The following MTM1 variants were observed in gnomAD, a reference collection of about 807,000 sequenced individuals.
The protein encoded by MTM1 is myotubularin 1.
MTM1 carries 9 observed loss-of-function variants against 52.1 expected under a neutral mutation model. That is an observed-to-expected ratio of 0.17 (90% CI 0.10 to 0.30). MTM1 has a LOEUF of 0.30. Among genes scored for constraint, MTM1 ranks in the 10% least tolerant of loss-of-function variants. The pLI, the probability that MTM1 is intolerant of heterozygous loss-of-function variation, is 1.00. For missense variants in MTM1, 277 were observed against 470.7 expected, an observed-to-expected ratio of 0.59 and a Z score of 3.81; for synonymous variants, 136 against 163.8, an observed-to-expected ratio of 0.83 and a Z score of 1.29.
intron 8 of MTM1, among the ~76,000 whole-genome samples, chrX:150,644,143 AAAT>A (rs1161539831): frequency 5.4e-5 from 6 of 111,572 alleles, no homozygotes; most frequent in South Asian, 3.7e-4. Context: ...CAAATTATTA[AAAT>A]AATAAAAAAT....
chrX:150,635,877 G>T (rs190162819), intron 6 of MTM1, among the ~76,000 whole-genome samples: 107 of 111,724 alleles, frequency 9.6e-4, no homozygotes, highest in Admixed American at 3.1e-3. Flanking sequence ...GTTTTTCTGT[G>T]TTTGTAAGCT....
At chrX:150,622,809 G>A (rs2039505074) in intron 6 of MTM1, among the ~76,000 whole-genome samples, 2 of 111,391 alleles carry the variant, frequency 1.8e-5, no homozygotes, top group Non-Finnish European at 3.8e-5. Context: ...GCAGAAACAG[G>A]TGGAAGAAAG....
At chrX:150,595,997 G>A (rs1247055490) in intron 2 of MTM1, among the ~76,000 whole-genome samples, 1 of 95,122 alleles carries the variant, frequency 1.1e-5, no homozygotes, top group African/African-American at 3.9e-5. Flanking sequence ...AGAGAGGAAG[G>A]GTCTTAGTGA....
intron 2 of MTM1, 98 bp downstream of exon 2, chrX:150,592,775 T>C: frequency 3.5e-6 from 2 of 571,346 alleles, no homozygotes; most frequent in Non-Finnish European, 6.0e-6. Flanking sequence ...ATTATGAATT[T>C]TATTATTCAT....
At chrX:150,654,153 G>A (rs1557414316) in intron 10 of MTM1, among the ~76,000 whole-genome samples, 1 of 112,290 alleles carries the variant, frequency 8.9e-6, no homozygotes, top group Admixed American at 9.5e-5. Flanking sequence ...TAAAACTCTG[G>A]TATAGTTTTA....
At position 150,583,523 on chromosome X, in the gene MTM1, T is replaced by A. The variant is rs1344832316; in HGVS notation, c.-10-9082T>A. Among the ~76,000 whole-genome samples the A allele has an allele frequency of 3.8e-3, 103 of 27,264 alleles. 6 individuals carry two copies. The highest frequency in any genetic ancestry group is 0.014 in the African/African-American group (99 of 7,131). 23.7% of individuals were successfully genotyped at this position (27,264 alleles called of 115,157 possible). ...TATAAATATATATAATTTATATATATTATATATAAATTATATATATTATAC... is the reference window on the plus strand; with the variant it reads ...TATAAATATATATAATTTATATATAATATATATAAATTATATATATTATAC... On this transcript the variant is annotated intron_variant, in intron 1 of 14. Coordinates refer to ENST00000370396, the MANE Select transcript of MTM1 (RefSeq NM_000252.3).
At chrX:150,652,590 G>T (rs1332748609) in intron 10 of MTM1, among the ~76,000 whole-genome samples, 5 of 93,043 alleles carry the variant, frequency 5.4e-5, no homozygotes, top group African/African-American at 2.0e-4. Context: ...TACAAGAAAA[G>T]TTATATATAT....
At chrX:150,641,546 G>C in intron 8 of MTM1, 128 bp downstream of exon 8, 2 of 789,284 alleles carry the variant, frequency 2.5e-6, no homozygotes, top group Non-Finnish European at 3.8e-6. Context: ...TGCTTTGTGA[G>C]TACAAAGTAC....
chrX:150,586,397 T>G (rs2038786834), intron 1 of MTM1, among the ~76,000 whole-genome samples: 1 of 111,469 alleles, frequency 9.0e-6, no homozygotes, highest in African/African-American at 3.3e-5. Context: ...ATGTTAAGTA[T>G]TTCACAGAAA....
At chrX:150,662,025 G>A (rs948011656) in intron 13 of MTM1, among the ~76,000 whole-genome samples, 6 of 111,779 alleles carry the variant, frequency 5.4e-5, no homozygotes, top group African/African-American at 9.8e-5. Flanking sequence ...ATATCACATC[G>A]TATACCTTAA....
chrX:150,594,576 A>G (rs1557412565), intron 2 of MTM1, among the ~76,000 whole-genome samples: 1 of 112,205 alleles, frequency 8.9e-6, no homozygotes. Context: ...TTGGGTGCCT[A>G]CAAGGACCAT....
At chrX:150,594,241 C>G (rs907768840) in intron 2 of MTM1, among the ~76,000 whole-genome samples, 3 of 108,761 alleles carry the variant, frequency 2.8e-5, no homozygotes, top group African/African-American at 6.7e-5. Context: ...TCCCGAGTAG[C>G]TGGGATTACA....
At chrX:150,633,871 A>C (rs2039711755) in intron 6 of MTM1, among the ~76,000 whole-genome samples, 2 of 111,742 alleles carry the variant, frequency 1.8e-5, no homozygotes, top group African/African-American at 6.5e-5. Context: ...GTGTCTACTA[A>C]AATACAAAAA....
intron 6 of MTM1, among the ~76,000 whole-genome samples, chrX:150,624,512 T>C (rs1303395895): frequency 8.9e-6 from 1 of 112,115 alleles, no homozygotes; most frequent in African/African-American, 3.2e-5. Flanking sequence ...GTTGTTCTTT[T>C]GTTGATTTTC....
intron 4 of MTM1, among the ~76,000 whole-genome samples, chrX:150,603,593 A>C (rs2039102141): frequency 8.9e-6 from 1 of 112,041 alleles, no homozygotes; most frequent in African/African-American, 3.2e-5. Flanking sequence ...TTCACTTGAA[A>C]GATAGGAGCT....
upstream of MTM1, among the ~76,000 whole-genome samples, chrX:150,565,873 A>G (rs2038255495): frequency 9.0e-6 from 1 of 111,092 alleles, no homozygotes; most frequent in Non-Finnish European, 1.9e-5. Context: ...GGTCGCATCT[A>G]TTGCCCCCTC....
intron 2 of MTM1, among the ~76,000 whole-genome samples, chrX:150,593,755 C>G (rs1334322049): frequency 1.8e-5 from 2 of 111,587 alleles, no homozygotes; most frequent in Non-Finnish European, 3.8e-5. Context: ...CACTTGAGCT[C>G]AAGAGTTCGA....
rs2038979283 is a variant in MTM1 at position 150,596,545 on chromosome X, A to G, written c.111A>G (p.Arg37=). The G allele has an allele frequency of 5.0e-6, 6 of 1,208,076 alleles. No homozygotes were observed. The highest frequency in any genetic ancestry group is 6.7e-6 in the Non-Finnish European group (6 of 893,996). The stretch of plus-strand genomic sequence containing the variant: ...GAGATCTCACTGAGGCTGTTCCTCG[A>G]CTTCCAGGAGAAACACTAATCACTG... ...VNRDLTEAVP[R]LPGETLITDK... Residue 37 remains arginine (R), a synonymous_variant, in exon 3 of 15, where the codon CGA becomes CGG. Coordinates refer to ENST00000370396, the MANE Select transcript of MTM1 (RefSeq NM_000252.3).
At chrX:150,579,305 C>T (rs1227705648) in intron 1 of MTM1, among the ~76,000 whole-genome samples, 7 of 110,878 alleles carry the variant, frequency 6.3e-5, no homozygotes, top group East Asian at 2.8e-4. Flanking sequence ...CTGCCCGCCT[C>T]GTCCTCCCAA....
Sources: gnomAD v4.1 joint callset for allele counts (sites outside exome capture counted in the v4.1 genomes callset) on GRCh38, gnomAD v4.1.1 for gene constraint, MANE v1.5 for transcripts, NCBI Gene and HGNC (gene_info 2026-07-23, HGNC 2026-07-21) for gene names.